The following COG5 variants were observed in gnomAD, a reference collection of about 807,000 sequenced individuals.
COG5 encodes component of oligomeric golgi complex 5.
In COG5, 86 loss-of-function variants were observed where a neutral mutation model predicts 110.4. The ratio of observed to expected loss-of-function variants is 0.78; its 90% CI spans 0.65 to 0.93. The LOEUF (loss-of-function observed/expected upper bound fraction) is 0.93, where lower values mean the gene tolerates loss of function less well. COG5 is among the 40% of genes least tolerant of loss of function. The probability of loss-of-function intolerance (pLI) is 0.00; values close to 1 mark genes in which losing one functional copy is unlikely to be tolerated. For synonymous variants in COG5, 360 were observed against 334.6 expected (o/e 1.08, Z -0.83); for missense variants, 1,077 against 987.0 (o/e 1.09, Z -1.22).
At chr7:107,446,515 G>A (rs555751992) in intron 6 of COG5, among the ~76,000 whole-genome samples, 41 of 152,140 alleles carry the variant, frequency 2.7e-4, no homozygotes, top group Non-Finnish European at 5.3e-4. Flanking sequence ...TTATCCCAGG[G>A]TTGGTCCATG....
At chr7:107,402,884 G>T (rs112633329) in intron 7 of COG5, among the ~76,000 whole-genome samples, 1 of 152,062 alleles carries the variant, frequency 6.6e-6, no homozygotes, top group Non-Finnish European at 1.5e-5. Flanking sequence ...AAATCTTTCC[G>T]ATACAGAAGT....
chr7:107,448,222 C>A (rs1327709631), intron 6 of COG5, among the ~76,000 whole-genome samples: 1 of 152,144 alleles, frequency 6.6e-6, no homozygotes, highest in African/African-American at 2.4e-5. Flanking sequence ...TATTGCTGAA[C>A]AGCTGAAATT....
intron 6 of COG5, among the ~76,000 whole-genome samples, chr7:107,445,072 A>T (rs1286252859): frequency 6.6e-6 from 1 of 152,014 alleles, no homozygotes; most frequent in African/African-American, 2.4e-5. Flanking sequence ...CAACTTGGAA[A>T]GCTGAGATAG....
chr7:107,205,178 C>T (rs1400128456), intron 21 of COG5, among the ~76,000 whole-genome samples: 2 of 152,176 alleles, frequency 1.3e-5, no homozygotes, highest in Non-Finnish European at 2.9e-5. Flanking sequence ...AGTATTACAG[C>T]ACTTGCCGTG....
At position 107,219,150 on chromosome 7, in the gene COG5, T is replaced by G. The variant is rs1799723044; in HGVS notation, c.2169-7925A>C. Among the ~76,000 whole-genome samples, 6 of 152,156 alleles carry G rather than the reference T, an allele frequency of 3.9e-5. No individual in the cohort carries two copies. In the South Asian group the frequency reaches 1.2e-3, roughly 31 times the overall value. ...ATTAAAACCACAATGAGATATCACCTCATGCCTGTCAGAATGACTATTATT... is the reference window on the plus strand; with the variant it reads ...ATTAAAACCACAATGAGATATCACCGCATGCCTGTCAGAATGACTATTATT... On this transcript the variant is annotated intron_variant, in intron 19 of 21. Transcript: ENST00000297135.
At chr7:107,490,044 C>T (rs577333463) in intron 6 of COG5, among the ~76,000 whole-genome samples, 6 of 152,028 alleles carry the variant, frequency 3.9e-5, no homozygotes, top group Non-Finnish European at 8.8e-5. Context: ...AACTAACAAA[C>T]GCATTTTCAA....
At chr7:107,290,608 G>A (rs1806086137) in intron 12 of COG5, among the ~76,000 whole-genome samples, 1 of 152,188 alleles carries the variant, frequency 6.6e-6, no homozygotes, top group South Asian at 2.1e-4. Flanking sequence ...AAGCTGGAAT[G>A]CTAGCAACAA....
At chr7:107,211,980 T>C (rs186189709) in intron 19 of COG5, among the ~76,000 whole-genome samples, 1 of 150,462 alleles carries the variant, frequency 6.6e-6, no homozygotes, top group East Asian at 1.9e-4. Context: ...TCTTGACAGA[T>C]GAGATAATGA....
chr7:107,324,427 G>T lies in COG5; in HGVS notation c.1108+13C>A, dbSNP rs772490075. The stretch of plus-strand genomic sequence containing the variant: ...ACTTTGAAATTAATTTTCAAAATAA[G>T]TAGTAAACTTACAGTTTGTTGCCAT... On this transcript the variant is annotated intron_variant, in intron 11 of 21. Coordinates refer to ENST00000297135, the MANE Select transcript of COG5 (RefSeq NM_006348.5). 8.2e-6 allele frequency: 12 copies of T among 1,465,072 alleles called. No individual in the cohort carries two copies. Among genetic ancestry groups the T allele is most frequent in the Admixed American group, 1.7e-5 (1 of 58,652 alleles). The allele number at this position is 1,465,072 out of a possible 1,614,324, so 90.8% of individuals were successfully genotyped here. A position where few individuals can be genotyped will look rare whatever the true frequency, so the allele number is the denominator to read the frequency against.
chr7:107,467,833 A>G (rs186996493), intron 6 of COG5, among the ~76,000 whole-genome samples: 103 of 152,308 alleles, frequency 6.8e-4, no homozygotes, highest in Admixed American at 6.5e-3. Context: ...ACTGTACACA[A>G]TAAAAAAAGT....
At chr7:107,503,870 A>C (rs936807730) in intron 6 of COG5, among the ~76,000 whole-genome samples, 5 of 152,126 alleles carry the variant, frequency 3.3e-5, no homozygotes, top group Non-Finnish European at 5.9e-5. Flanking sequence ...TTGTTTATCA[A>C]ATCTAGGAGT....
At chr7:107,285,294 G>A (rs1204807465) in intron 12 of COG5, among the ~76,000 whole-genome samples, 14 of 152,090 alleles carry the variant, frequency 9.2e-5, no homozygotes, top group Non-Finnish European at 1.8e-4. Context: ...GTTGAAGTCC[G>A]AGCCATCTAT....
intron 17 of COG5, among the ~76,000 whole-genome samples, chr7:107,247,780 T>A (rs1802161585): frequency 6.6e-6 from 1 of 152,226 alleles, no homozygotes; most frequent in African/African-American, 2.4e-5. Flanking sequence ...ATGACATGGA[T>A]GAGCAAGACA....
chr7:107,201,466 A>G lies in COG5; in HGVS notation c.*2050T>C, dbSNP rs767877405. ...CTTATGTTCTTAAGTCTATATTTGC[A>G]TATACATTGACTCTTGATGGAAAGA... On this transcript the variant is annotated 3_prime_UTR_variant, in exon 22 of 22. Transcript: ENST00000297135. The G allele has an allele frequency of 1.5e-6, 2 of 1,378,952 alleles. No homozygotes were observed. Among genetic ancestry groups the G allele is most frequent in the Non-Finnish European group, 2.1e-6 (2 of 969,246 alleles). 85.4% of individuals were successfully genotyped at this position (1,378,952 alleles called of 1,614,324 possible). A position where few individuals can be genotyped will look rare whatever the true frequency, so the allele number is the denominator to read the frequency against.
chr7:107,276,009 A>T (rs981857937), intron 14 of COG5, among the ~76,000 whole-genome samples: 22 of 152,158 alleles, frequency 1.4e-4, no homozygotes, highest in African/African-American at 5.1e-4. Context: ...TAGTGTCTAG[A>T]ACTATTGACC....
At chr7:107,512,451 C>T (rs907021316) in intron 6 of COG5, among the ~76,000 whole-genome samples, 4 of 150,802 alleles carry the variant, frequency 2.7e-5, no homozygotes, top group Non-Finnish European at 5.9e-5. Context: ...GAATCAATAT[C>T]GTGAAAATGG....
chr7:107,226,887 A>G (rs943537241), intron 19 of COG5, among the ~76,000 whole-genome samples: 1 of 152,246 alleles, frequency 6.6e-6, no homozygotes, highest in African/African-American at 2.4e-5. Flanking sequence ...TGGTATATAG[A>G]AAAATACCTC....
chr7:107,457,467 G>A lies in COG5; in HGVS notation c.539-44835C>T, dbSNP rs140324460. On this transcript the variant is annotated intron_variant, in intron 6 of 21. Transcript: ENST00000297135. ...TTTTGAGACAGAGTCTCACTCTGTC[G>A]CCCAGGCTGGAGTGCAAGTGGCGCA... 7.9e-5 allele frequency among the ~76,000 whole-genome samples: 12 copies of A among 151,602 alleles called. No individual in the cohort carries two copies. The East Asian group carries it at 1.2e-3, about 15-fold the overall frequency.
At chr7:107,509,420 G>C (rs10248056) in intron 6 of COG5, among the ~76,000 whole-genome samples, 1 of 152,148 alleles carries the variant, frequency 6.6e-6, no homozygotes, top group Non-Finnish European at 1.5e-5. Context: ...GTCTACGTCT[G>C]ATTGGTGTAC....
Sources: allele counts gnomAD v4.1 joint callset (sites outside exome capture counted in the v4.1 genomes callset), GRCh38; gene constraint gnomAD v4.1.1; transcripts MANE v1.5; gene names NCBI Gene and HGNC (gene_info 2026-07-23, HGNC 2026-07-21).